KCNH1: variants seen among roughly 807,000 people sequenced by gnomAD.
KCNH1 encodes the protein potassium voltage-gated channel subfamily H member 1, also known as voltage-gated delayed rectifier potassium channel KCNH1.
A neutral mutation model predicts 69.2 loss-of-function variants in KCNH1; 27 were observed. That is an observed-to-expected ratio of 0.39 (90% confidence interval 0.29 to 0.54). The LOEUF (loss-of-function observed/expected upper bound fraction) is 0.54. KCNH1 is among the 20% of genes least tolerant of loss of function. KCNH1 has a pLI of 0.68. For missense variants in KCNH1, 798 were observed against 1,261.6 expected (o/e 0.63, Z 5.57); for synonymous variants, 456 against 487.7 (o/e 0.93, Z 0.86).
chr1:211,069,225 G>A (rs907172711), intron 5 of KCNH1, among the ~76,000 whole-genome samples: 4 of 152,024 alleles, frequency 2.6e-5, no homozygotes, highest in Non-Finnish European at 4.4e-5. Context: ...TTCATAGCCC[G>A]GGGCACAGAC....
At chr1:210,921,347 A>G (rs968749356) in intron 6 of KCNH1, among the ~76,000 whole-genome samples, 1 of 152,248 alleles carries the variant, frequency 6.6e-6, no homozygotes, top group African/African-American at 2.4e-5. Context: ...CCTCCCTTAT[A>G]TAGCAAAAAT....
intron 1 of KCNH1, among the ~76,000 whole-genome samples, chr1:211,117,460 G>A (rs1424256064): frequency 6.6e-6 from 1 of 152,130 alleles, no homozygotes; most frequent in Non-Finnish European, 1.5e-5. Context: ...TGGGAGCCCT[G>A]AGCTTCCATG....
intron 9 of KCNH1, among the ~76,000 whole-genome samples, chr1:210,792,828 C>T (rs554491044): frequency 3.9e-5 from 6 of 152,230 alleles, no homozygotes; most frequent in African/African-American, 1.4e-4. Context: ...AAATATCGTA[C>T]TTATAAGATA....
chr1:210,870,781 T>A (rs1186336484), intron 7 of KCNH1, among the ~76,000 whole-genome samples: 1 of 152,190 alleles, frequency 6.6e-6, no homozygotes, highest in Non-Finnish European at 1.5e-5. Flanking sequence ...AATACATTCT[T>A]CCCACTGCAG....
chr1:210,867,330 TAC>T (rs57696942), intron 7 of KCNH1, among the ~76,000 whole-genome samples: 22,058 of 143,928 alleles, frequency 0.15, 2,018 homozygotes, highest in East Asian at 0.39. Flanking sequence ...TGTATATGTT[TAC>T]ACACACACAC....
At chr1:210,979,638 T>G (rs1688675403) in intron 6 of KCNH1, among the ~76,000 whole-genome samples, 2 of 152,336 alleles carry the variant, frequency 1.3e-5, no homozygotes, top group South Asian at 4.1e-4. Flanking sequence ...ATTTTTCTCA[T>G]GTCATTTTTA....
intron 5 of KCNH1, among the ~76,000 whole-genome samples, chr1:211,069,026 G>C (rs1054613502): frequency 1.3e-5 from 2 of 152,204 alleles, no homozygotes; most frequent in Admixed American, 1.3e-4. Context: ...TCTGGCAGCA[G>C]GAGGAGAAAG....
intron 6 of KCNH1, among the ~76,000 whole-genome samples, chr1:211,013,069 G>A (rs1421919563): frequency 6.6e-6 from 1 of 152,190 alleles, no homozygotes; most frequent in Non-Finnish European, 1.5e-5. Flanking sequence ...ACTTTCACCT[G>A]ACAGCTTCCC....
At chr1:210,938,794 T>C (rs1687827855) in intron 6 of KCNH1, among the ~76,000 whole-genome samples, 1 of 152,252 alleles carries the variant, frequency 6.6e-6, no homozygotes, top group Admixed American at 6.5e-5. Context: ...AAATTATCAC[T>C]GTATAAAGTA....
chr1:210,849,901 T>G (rs986297069), intron 7 of KCNH1, among the ~76,000 whole-genome samples: 1 of 151,766 alleles, frequency 6.6e-6, no homozygotes, highest in African/African-American at 2.4e-5. Flanking sequence ...GCACTGTGTG[T>G]CTTAGAAGGA....
intron 7 of KCNH1, among the ~76,000 whole-genome samples, chr1:210,828,735 T>C (rs7545932): frequency 0.16 from 24,865 of 152,008 alleles, 2,530 homozygotes; most frequent in African/African-American, 0.29. Context: ...AAAAATGTGT[T>C]TTGGGGTGCT....
At chr1:210,871,283 C>CA (rs1202710850) in intron 7 of KCNH1, among the ~76,000 whole-genome samples, 19 of 152,100 alleles carry the variant, frequency 1.2e-4, no homozygotes, top group South Asian at 6.2e-4. Flanking sequence ...TTTATGCAGA[C>CA]AAAAAACACA....
chr1:210,955,050 C>T (rs1448986729), intron 6 of KCNH1, among the ~76,000 whole-genome samples: 2 of 152,212 alleles, frequency 1.3e-5, no homozygotes, highest in Non-Finnish European at 2.9e-5. Context: ...ACATTTAAGA[C>T]TTTAATCCAT....
At chr1:210,986,015 T>A (rs1688825773) in intron 6 of KCNH1, among the ~76,000 whole-genome samples, 1 of 152,240 alleles carries the variant, frequency 6.6e-6, no homozygotes, top group Admixed American at 6.5e-5. Context: ...TCTTGTTGAA[T>A]TGATCCCTTT....
chr1:210,813,315 T>C (rs781092830), intron 7 of KCNH1, among the ~76,000 whole-genome samples: 3 of 152,258 alleles, frequency 2.0e-5, no homozygotes, highest in South Asian at 2.1e-4. Flanking sequence ...AAGCTCATCA[T>C]GCACAGAGGC....
At chr1:211,003,827 C>T (rs1392896308) in intron 6 of KCNH1, among the ~76,000 whole-genome samples, 1 of 152,044 alleles carries the variant, frequency 6.6e-6, no homozygotes, top group Non-Finnish European at 1.5e-5. Flanking sequence ...AGCAATTGGC[C>T]GGGTGCGGAT....
At chr1:210,967,143 G>C (rs1359913857) in intron 6 of KCNH1, among the ~76,000 whole-genome samples, 2 of 151,946 alleles carry the variant, frequency 1.3e-5, no homozygotes, top group African/African-American at 4.8e-5. Flanking sequence ...TGGACACAGG[G>C]AGGGGAACAT....
intron 6 of KCNH1, among the ~76,000 whole-genome samples, chr1:210,970,021 T>G (rs1688482752): frequency 6.6e-6 from 1 of 152,058 alleles, no homozygotes; most frequent in South Asian, 2.1e-4. Context: ...CTCAGCCTAC[T>G]GAGTAGCTGG....
At chr1:210,929,257 A>G (rs1687635895) in intron 6 of KCNH1, among the ~76,000 whole-genome samples, 1 of 152,220 alleles carries the variant, frequency 6.6e-6, no homozygotes, top group Non-Finnish European at 1.5e-5. Context: ...TCCCTGATGA[A>G]CATAGATTAA....
Sources: gnomAD v4.1 joint callset for allele counts (sites outside exome capture counted in the v4.1 genomes callset) on GRCh38, gnomAD v4.1.1 for gene constraint, MANE v1.5 for transcripts, NCBI Gene and HGNC (gene_info 2026-07-23, HGNC 2026-07-21) for gene names.